Variants in SLF1 observed in about 807,000 individuals in gnomAD.
SLF1 encodes the protein SMC5/6 complex localization factor 1, also known as SMC5-SMC6 complex localization factor protein 1.
In SLF1, 105 loss-of-function variants were observed where a neutral mutation model predicts 123.0. The ratio of observed to expected loss-of-function variants is 0.85; its 90% CI spans 0.73 to 1.00. The LOEUF (loss-of-function observed/expected upper bound fraction) is 1.00. SLF1 is among the 50% of genes least tolerant of loss of function. The probability of loss-of-function intolerance (pLI) is 0.00; values close to 1 mark genes in which losing one functional copy is unlikely to be tolerated. For missense variants in SLF1, 1,239 were observed against 1,223.0 expected, an observed-to-expected ratio of 1.01 and a Z score of -0.20; for synonymous variants, 434 against 406.6, an observed-to-expected ratio of 1.07 and a Z score of -0.81.
intron 20 of SLF1, 133 bp downstream of exon 20, chr5:94,692,389 G>A: frequency 1.1e-6 from 1 of 900,284 alleles, no homozygotes. Flanking sequence ...GAAAAAGTAA[G>A]GATAAAAAGT....
At chr5:94,652,293 G>A (rs1747832555) in intron 7 of SLF1, among the ~76,000 whole-genome samples, 4 of 152,168 alleles carry the variant, frequency 2.6e-5, no homozygotes, top group Non-Finnish European at 4.4e-5. Flanking sequence ...ACAGGCGTGA[G>A]CCACTGCGCC....
intron 1 of SLF1, among the ~76,000 whole-genome samples, chr5:94,623,647 C>T (rs1791988122): frequency 6.6e-6 from 1 of 152,054 alleles, no homozygotes; most frequent in African/African-American, 2.4e-5. Context: ...TGCAAGACTT[C>T]TAGAAGTTAG....
At chr5:94,673,387 A>G (rs1750686815) in intron 14 of SLF1, among the ~76,000 whole-genome samples, 1 of 151,908 alleles carries the variant, frequency 6.6e-6, no homozygotes, top group Non-Finnish European at 1.5e-5. Flanking sequence ...AAGTGGGTTC[A>G]ATTGAGGCCG....
intron 1 of SLF1, among the ~76,000 whole-genome samples, chr5:94,627,620 A>ATATATATG (rs1744656984): frequency 7.2e-6 from 1 of 139,496 alleles, no homozygotes; most frequent in Non-Finnish European, 1.6e-5. Context: ...ATATATATAT[A>ATATATATG]GCAAAGTTAA....
chr5:94,691,894 TTTTTA>T (rs1753085115), intron 19 of SLF1, among the ~76,000 whole-genome samples, 175 bp from the exon 20 acceptor site: 1 of 152,238 alleles, frequency 6.6e-6, no homozygotes, highest in East Asian at 1.9e-4. Context: ...TTTAAAATTG[TTTTTA>T]TTTTAATTTT....
At chr5:94,627,669 G>A (rs1486251052) in intron 1 of SLF1, among the ~76,000 whole-genome samples, 3 of 142,196 alleles carry the variant, frequency 2.1e-5, no homozygotes, top group African/African-American at 5.2e-5. Flanking sequence ...ATTATTATGT[G>A]TACCCACTTT....
intron 1 of SLF1, among the ~76,000 whole-genome samples, chr5:94,621,117 C>G (rs911686676): frequency 1.3e-5 from 2 of 152,102 alleles, no homozygotes; most frequent in Non-Finnish European, 2.9e-5. Context: ...TAAATGTCTT[C>G]CCACCCTTGT....
At chr5:94,640,612 G>A (rs1418235491) in intron 4 of SLF1, among the ~76,000 whole-genome samples, 1 of 151,806 alleles carries the variant, frequency 6.6e-6, no homozygotes, top group Non-Finnish European at 1.5e-5. Flanking sequence ...GAACTCCATT[G>A]CATGCCTTTT....
intron 9 of SLF1, among the ~76,000 whole-genome samples, chr5:94,655,424 G>T (rs1451010609): frequency 6.6e-6 from 1 of 151,944 alleles, no homozygotes; most frequent in Non-Finnish European, 1.5e-5. Context: ...CATTGCTTTG[G>T]GTATTTAGGG....
Position 94,630,633 on chromosome 5 carries a change from A to C in SLF1, c.321A>C (p.Ala107=), listed in dbSNP as rs918488120. The C allele has an allele frequency of 6.4e-6, 10 of 1,551,738 alleles. No homozygotes were observed. Among genetic ancestry groups the C allele is most frequent in the Non-Finnish European group, 7.8e-6 (9 of 1,147,006 alleles). Residue 107 remains alanine (A), a synonymous_variant, in exon 4 of 21, where the codon GCA becomes GCC. Coordinates refer to ENST00000265140, the MANE Select transcript of SLF1 (RefSeq NM_032290.4). ...GTTATTCACCTCAAATGCAATCTGC[A>C]CCTAAAAGATGGCGTGAAGAACTGA... ...DSRYSPQMQS[A]PKRWREELKR... is the part of the protein sequence containing the mutation.
chr5:94,637,368 G>A (rs1266792076), intron 4 of SLF1, among the ~76,000 whole-genome samples: 1 of 152,114 alleles, frequency 6.6e-6, no homozygotes, highest in Non-Finnish European at 1.5e-5. Flanking sequence ...TGCTGGCTGG[G>A]CTCTGCTGTT....
At chr5:94,691,496 C>T in intron 18 of SLF1, 68 bp from the exon 19 acceptor site, 5 of 1,231,718 alleles carry the variant, frequency 4.1e-6, no homozygotes, top group South Asian at 3.9e-5. Flanking sequence ...CTAGTTCATG[C>T]CCTTTGATTA....
chr5:94,693,410 A>G (rs1352213592), intron 20 of SLF1, among the ~76,000 whole-genome samples: 1 of 151,994 alleles, frequency 6.6e-6, no homozygotes, highest in African/African-American at 2.4e-5. Context: ...AGGAGCCATT[A>G]TTGTATTAGG....
chr5:94,671,651 T>C (rs1247558596), intron 14 of SLF1, among the ~76,000 whole-genome samples: 1 of 127,962 alleles, frequency 7.8e-6, no homozygotes, highest in African/African-American at 3.4e-5. Flanking sequence ...TTTCTTTTAA[T>C]TTTTTTTTTT....
intron 14 of SLF1, among the ~76,000 whole-genome samples, chr5:94,674,661 G>C (rs1246672605): frequency 6.6e-6 from 1 of 152,170 alleles, no homozygotes; most frequent in African/African-American, 2.4e-5. Flanking sequence ...CTAAACAGAA[G>C]TCCTCAGTTT....
chr5:94,632,908 C>T (rs1745357896), intron 4 of SLF1, among the ~76,000 whole-genome samples: 1 of 151,934 alleles, frequency 6.6e-6, no homozygotes, highest in African/African-American at 2.4e-5. Context: ...TCAGGATGGT[C>T]TTGATCTCCT....
At chr5:94,640,377 T>A (rs1746310476) in intron 4 of SLF1, among the ~76,000 whole-genome samples, 1 of 152,192 alleles carries the variant, frequency 6.6e-6, no homozygotes, top group Non-Finnish European at 1.5e-5. Flanking sequence ...TCCGTTTGTA[T>A]CATTTTGTCT....
chr5:94,695,093 A>G lies in SLF1; in HGVS notation c.2958A>G (p.Leu986=), dbSNP rs116047191. ...TAGCTTCCAAAGGGTTAACTCATCT[A>G]AATGAACTGCTTATGGCTTGTAAAA... The part of the protein sequence containing the change: ...FILASKGLTH[L]NELLMACKSH... The change falls in exon 21 of 21, where the codon CTA becomes CTG. Residue 986 remains leucine (L), a synonymous_variant. Transcript: ENST00000265140. The G allele has an allele frequency of 8.5e-4, 1,370 of 1,612,734 alleles. 10 individuals are homozygous for G. The African/African-American group carries it at 0.016, about 19-fold the overall frequency.
At chr5:94,633,282 C>T (rs1416364204) in intron 4 of SLF1, among the ~76,000 whole-genome samples, 3 of 152,200 alleles carry the variant, frequency 2.0e-5, no homozygotes, top group Non-Finnish European at 4.4e-5. Flanking sequence ...CCACTGCGAC[C>T]GGCCACTTGA....
Sources: gnomAD v4.1 joint callset for allele counts (sites outside exome capture counted in the v4.1 genomes callset) on GRCh38, gnomAD v4.1.1 for gene constraint, MANE v1.5 for transcripts, NCBI Gene and HGNC (gene_info 2026-07-23, HGNC 2026-07-21) for gene names.